AKNAD1: variants seen among roughly 807,000 people sequenced by gnomAD.
AKNAD1 encodes protein AKNAD1.
Under a neutral mutation model 90.8 loss-of-function variants are expected in AKNAD1, and 67 were observed. The ratio of observed to expected loss-of-function variants is 0.74; its 90% CI spans 0.61 to 0.90. The LOEUF is 0.90. Ranked by LOEUF, AKNAD1 falls within the 40% of genes least tolerant of loss-of-function variation. The pLI is 0.00. For missense variants in AKNAD1, 957 were observed against 975.4 expected (o/e 0.98, Z 0.25); for synonymous variants, 327 against 341.4 (o/e 0.96, Z 0.46).
At position 108,820,553 on chromosome 1, in the gene AKNAD1, T is replaced by A. The variant is rs1202514915; in HGVS notation, c.2241A>T (p.Thr747=). 6.2e-7 allele frequency: 1 copy of A among 1,600,216 alleles called. No homozygotes were observed. Among genetic ancestry groups the A allele is most frequent in the South Asian group, 1.1e-5 (1 of 90,492 alleles). Residue 747 remains threonine (T), a synonymous_variant, in exon 14 of 16, where the codon ACA becomes ACT. Transcript: ENST00000370001. ...SKSFKGEHEP[T]PGKKKLQAFM... is the part of the protein sequence containing the mutation. ...AATGAAATAATACTTACTTTCCTGG[T>A]GTGGGCTCATGTTCACCTTTAAAGG...
intron 13 of AKNAD1, chr1:108,822,991 A>G: frequency 1.7e-6 from 1 of 574,252 alleles, no homozygotes; most frequent in Non-Finnish European, 3.1e-6. Context: ...ACTTCTCTAC[A>G]TGCTGACTCT....
At chr1:108,842,594 T>C (rs1664582582) in intron 6 of AKNAD1, among the ~76,000 whole-genome samples, 2 of 152,122 alleles carry the variant, frequency 1.3e-5, no homozygotes, top group Admixed American at 6.5e-5. Flanking sequence ...CTGACACCAA[T>C]TAACTTTACA....
At chr1:108,850,712 G>T (rs546881238) in intron 2 of AKNAD1, among the ~76,000 whole-genome samples, 3 of 152,160 alleles carry the variant, frequency 2.0e-5, no homozygotes, top group Non-Finnish European at 4.4e-5. Flanking sequence ...ATGGAAACAG[G>T]CAGTGTGGTT....
rs188199837 is a variant in AKNAD1, at chr1:108,846,684, A to T, written c.1245+2068T>A. Among the ~76,000 whole-genome samples, 65 of 151,604 alleles carry T rather than the reference A, an allele frequency of 4.3e-4. No individual in the cohort carries two copies. In the East Asian group the frequency reaches 0.012, roughly 27 times the overall value. On this transcript the variant is annotated intron_variant, in intron 5 of 15. Coordinates refer to ENST00000370001, the MANE Select transcript of AKNAD1 (RefSeq NM_152763.5). ...GCCCTCTTCACTTCTCACTCTGTGT[A>T]TTTTGCCTGGCCCGTCTCATCCACT... is the stretch of plus-strand genomic sequence containing the variant.
intron 6 of AKNAD1, among the ~76,000 whole-genome samples, chr1:108,840,702 C>A (rs1664527630): frequency 1.3e-5 from 2 of 152,000 alleles, no homozygotes; most frequent in South Asian, 4.2e-4. Context: ...GGTTTTGTAT[C>A]TGATATAAGG....
chr1:108,827,219 G>T lies in AKNAD1; in HGVS notation c.1922C>A (p.Ser641Ter), dbSNP rs759324708. The T allele has an allele frequency of 6.2e-7, 1 of 1,610,834 alleles. No individual in the cohort carries two copies. The highest frequency in any genetic ancestry group is 1.1e-5 in the South Asian group (1 of 90,744). Residue 641 changes from serine (S) to a stop codon, truncating the protein, a stop_gained, in exon 11 of 16, where the codon TCA becomes TAA. Transcript: ENST00000370001. LOFTEE classifies it high-confidence loss of function. ...CATCAACTTACTGGGAGTTGAATCT[G>T]AGTGTGGTGCCTTTTCATGAAGGAC... ...SIVLHEKAPH[S>*]DSTPNSDTGH...
chr1:108,849,499 T>C, intron 3 of AKNAD1, 38 bp downstream of exon 3: 2 of 1,256,022 alleles, frequency 1.6e-6, no homozygotes, highest in South Asian at 1.2e-5. Flanking sequence ...AAACAAAACA[T>C]ATATATATAT....
chr1:108,819,638 G>C (rs1330390606), intron 14 of AKNAD1, among the ~76,000 whole-genome samples: 1 of 151,410 alleles, frequency 6.6e-6, no homozygotes, highest in Non-Finnish European at 1.5e-5. Context: ...TAACTTCACT[G>C]GGGGGCCAGA....
At chr1:108,818,517 C>T (rs932551217) in intron 14 of AKNAD1, among the ~76,000 whole-genome samples, 3 of 152,152 alleles carry the variant, frequency 2.0e-5, no homozygotes, top group Non-Finnish European at 4.4e-5. Context: ...TTGCTGAGTA[C>T]TTATTATGAG....
In AKNAD1 at chr1:108,834,475, A is replaced by C. The variant is rs760452529; in HGVS notation, c.1718T>G (p.Val573Gly). 1.2e-6 allele frequency: 2 copies of C among 1,611,066 alleles called. No homozygotes were observed. The highest frequency in any genetic ancestry group is 1.7e-5 in the Admixed American group (1 of 59,658). ...DAAAQNKPDQ[V>G]AMRLSSNSGE... ...AGAGTTAGAAGACAGCCTCATGGCC[A>C]CTTGGTCTGGCTTGTTCTGGGCAGC... Residue 573 changes from valine to glycine, a missense_variant, in exon 9 of 16, where the codon GTG becomes GGG. Physicochemically the swap from Val to Gly is moderately radical, Grantham distance 109. Coordinates refer to ENST00000370001, the MANE Select transcript of AKNAD1 (RefSeq NM_152763.5).
intron 6 of AKNAD1, 103 bp downstream of exon 6, chr1:108,843,031 G>C: frequency 6.9e-7 from 1 of 1,448,124 alleles, no homozygotes; most frequent in South Asian, 1.3e-5. Flanking sequence ...GCTGACCCTA[G>C]ACCAGTGGCT....
At chr1:108,817,234 T>C in intron 14 of AKNAD1, 57 bp from the exon 15 acceptor site, 1 of 1,603,824 alleles carries the variant, frequency 6.2e-7, no homozygotes, top group Non-Finnish European at 8.5e-7. Flanking sequence ...AGCACACTCC[T>C]GTTCACGTCA....
At position 108,845,419 on chromosome 1, in the gene AKNAD1, G is replaced by T. The variant is rs571620137; in HGVS notation, c.1246-2152C>A. On this transcript the variant is annotated intron_variant, in intron 5 of 15. Coordinates refer to ENST00000370001, the MANE Select transcript of AKNAD1 (RefSeq NM_152763.5). ...CCCTCCACCAAAAGCCACAGGGCTT[G>T]TCAGCTAGTCCCACAGTGACAGCTG... Among the ~76,000 whole-genome samples the T allele has an allele frequency of 1.1e-4, 17 of 152,322 alleles. No homozygotes were observed. In the South Asian group the frequency reaches 3.5e-3, roughly 32 times the overall value.
intron 2 of AKNAD1, among the ~76,000 whole-genome samples, chr1:108,851,176 G>T (rs541162356): frequency 1.3e-5 from 2 of 152,164 alleles, no homozygotes; most frequent in African/African-American, 4.8e-5. Context: ...TCCAAAGCAG[G>T]CTGAGATACA....
rs1156658999 is a variant in AKNAD1, at chr1:108,834,510, A to G, written c.1683T>C (p.Tyr561=). ...LAPQTYLNGH[Y]GDAAAQNKPD... ...GCTTGTTCTGGGCAGCTGCATCTCC[A>G]TAATGACCGTTTAGGTAACTAATTT... The change falls in exon 9 of 16, where the codon TAT becomes TAC. Residue 561 remains tyrosine (Y), a synonymous_variant. Coordinates refer to ENST00000370001, the MANE Select transcript of AKNAD1 (RefSeq NM_152763.5). 4 of 1,604,108 alleles carry G rather than the reference A, an allele frequency of 2.5e-6. No homozygotes were observed. The highest frequency in any genetic ancestry group is 3.4e-6 in the Non-Finnish European group (4 of 1,177,036).
chr1:108,834,162 A>G (rs939015655), intron 9 of AKNAD1, among the ~76,000 whole-genome samples: 1 of 148,484 alleles, frequency 6.7e-6, no homozygotes, highest in Non-Finnish European at 1.5e-5. Flanking sequence ...CCCCAAACTT[A>G]CTGATTCAGA....
chr1:108,820,961 T>C (rs1280703692), intron 13 of AKNAD1, among the ~76,000 whole-genome samples: 1 of 152,152 alleles, frequency 6.6e-6, no homozygotes, highest in Non-Finnish European at 1.5e-5. Flanking sequence ...GGCATGTGCC[T>C]ACAGTTTTGT....
chr1:108,823,338 T>C (rs1663878745), intron 13 of AKNAD1, 32 bp downstream of exon 13: 1 of 1,487,020 alleles, frequency 6.7e-7, no homozygotes, highest in African/African-American at 1.4e-5. Context: ...AGGTTGTTGA[T>C]ATGGATGGGG....
At chr1:108,841,461 T>G (rs1412267321) in intron 6 of AKNAD1, among the ~76,000 whole-genome samples, 2 of 152,172 alleles carry the variant, frequency 1.3e-5, no homozygotes, top group Non-Finnish European at 2.9e-5. Context: ...ATTCTTGGCT[T>G]CTGAAGTTAA....
Sources: gnomAD v4.1 joint callset for allele counts (sites outside exome capture counted in the v4.1 genomes callset) on GRCh38, gnomAD v4.1.1 for gene constraint, MANE v1.5 for transcripts, NCBI Gene and HGNC (gene_info 2026-07-23, HGNC 2026-07-21) for gene names.